The following PDE1C variants were observed in gnomAD, a reference collection of about 807,000 sequenced individuals.
The protein encoded by PDE1C is dual specificity calcium/calmodulin-dependent 3',5'-cyclic nucleotide phosphodiesterase 1C.
PDE1C carries 62 observed loss-of-function variants against 93.1 expected under a neutral mutation model. The observed-to-expected ratio is 0.67, with a 90% CI of 0.54 to 0.82. The LOEUF (loss-of-function observed/expected upper bound fraction) is 0.82. Among genes scored for constraint, PDE1C ranks in the 40% least tolerant of loss-of-function variants. PDE1C has a pLI of 0.00. For synonymous variants in PDE1C, 325 were observed against 310.1 expected, an observed-to-expected ratio of 1.05 and a Z score of -0.50; for missense variants, 742 against 884.6, an observed-to-expected ratio of 0.84 and a Z score of 2.04.
At chr7:31,759,847 G>T (rs1318844799) in intron 17 of PDE1C, among the ~76,000 whole-genome samples, 1 of 151,612 alleles carries the variant, frequency 6.6e-6, no homozygotes, top group African/African-American at 2.4e-5. Flanking sequence ...GCCACAACCA[G>T]CCTATCTTTT....
chr7:31,625,724 T>A, the PDE1C span, among the ~76,000 whole-genome samples: 1 of 152,192 alleles, frequency 6.6e-6, no homozygotes, highest in Admixed American at 6.5e-5. Flanking sequence ...TATACATATG[T>A]ACCTAACCTG....
intron 12 of PDE1C, among the ~76,000 whole-genome samples, chr7:31,825,614 G>A (rs1004983316): frequency 6.6e-6 from 1 of 152,050 alleles, no homozygotes; most frequent in African/African-American, 2.4e-5. Context: ...AAGTTAATCT[G>A]GCAAGATAGA....
chr7:32,313,530 T>G lies in PDE1C; in HGVS notation c.311-103991A>C, dbSNP rs562569170. ...AATGTCCAACAACGATAGACTGGAT[T>G]AAGAAAATATGGCACATATACACCA... On this transcript the variant is annotated intron_variant, in intron 1 of 1. Coordinates refer to the PDE1C transcript ENST00000672256. 2.6e-5 allele frequency among the ~76,000 whole-genome samples: 4 copies of G among 151,966 alleles called. No homozygotes were observed. In the East Asian group the frequency reaches 7.7e-4, roughly 29 times the overall value.
chr7:31,820,568 C>T (rs1788833332), intron 14 of PDE1C: 1 of 152,034 alleles, frequency 6.6e-6, no homozygotes, highest in Non-Finnish European at 1.5e-5. Context: ...AAAACCAAGA[C>T]CCATTTCCAG....
the PDE1C span, among the ~76,000 whole-genome samples, chr7:31,666,520 A>C: frequency 6.6e-6 from 1 of 152,204 alleles, no homozygotes. Flanking sequence ...ATTTGTATGA[A>C]TAGGTTTGAT....
intron 1 of PDE1C, among the ~76,000 whole-genome samples, chr7:32,234,949 T>C (rs555370462): frequency 6.6e-6 from 1 of 152,160 alleles, no homozygotes; most frequent in East Asian, 1.9e-4. Context: ...GATGGTTCAG[T>C]ATTAGAAAAT....
At chr7:32,028,847 T>C (rs1327257053) in intron 2 of PDE1C, among the ~76,000 whole-genome samples, 1 of 152,074 alleles carries the variant, frequency 6.6e-6, no homozygotes, top group East Asian at 1.9e-4. Context: ...CCCCATTCCT[T>C]CCCTTCCCCC....
At chr7:31,896,598 T>C (rs78377553) in intron 2 of PDE1C, among the ~76,000 whole-genome samples, 1,607 of 152,340 alleles carry the variant, frequency 0.011, 15 homozygotes, top group Non-Finnish European at 0.019. Flanking sequence ...AGACAGAAGA[T>C]CTCTTGAAGA....
intron 2 of PDE1C, among the ~76,000 whole-genome samples, chr7:32,199,326 T>C (rs999735939): frequency 6.6e-6 from 1 of 152,174 alleles, no homozygotes; most frequent in Non-Finnish European, 1.5e-5. Flanking sequence ...TTCATATCAC[T>C]AGTCAATTCT....
chr7:31,826,806 A>C (rs779442008), intron 12 of PDE1C, among the ~76,000 whole-genome samples: 3 of 152,166 alleles, frequency 2.0e-5, no homozygotes, highest in Non-Finnish European at 4.4e-5. Context: ...TGGCAAAGAA[A>C]TCTTCTAAAA....
chr7:32,016,813 C>G (rs79442570), intron 2 of PDE1C, among the ~76,000 whole-genome samples: 3,691 of 152,224 alleles, frequency 0.024, 172 homozygotes, highest in African/African-American at 0.084. Flanking sequence ...GTTTGGAAAG[C>G]TATACATGAA....
At chr7:31,840,177 T>C (rs1791675501) in intron 9 of PDE1C, among the ~76,000 whole-genome samples, 1 of 152,222 alleles carries the variant, frequency 6.6e-6, no homozygotes, top group African/African-American at 2.4e-5. Flanking sequence ...TTCTGATGGA[T>C]ATGTAGTGTT....
intron 1 of PDE1C, among the ~76,000 whole-genome samples, chr7:32,406,531 C>CAAAA (rs5883350): frequency 2.3e-5 from 3 of 133,256 alleles, no homozygotes; most frequent in African/African-American, 8.4e-5. Flanking sequence ...CTCCATAATG[C>CAAAA]AAAAAAAAAA....
chr7:32,017,911 T>C (rs945181207), intron 2 of PDE1C, among the ~76,000 whole-genome samples: 2 of 77,302 alleles, frequency 2.6e-5, no homozygotes, highest in Admixed American at 1.2e-4. Flanking sequence ...AAACCCTGTC[T>C]CTACAAAAAA....
At chr7:31,784,684 G>A (rs991698223) in intron 16 of PDE1C, 5 of 152,066 alleles carry the variant, frequency 3.3e-5, no homozygotes, top group African/African-American at 1.2e-4. Flanking sequence ...AGGGGAATCT[G>A]GTTGTACAGT....
the PDE1C span, among the ~76,000 whole-genome samples, chr7:31,683,235 A>G: frequency 1.3e-5 from 2 of 152,184 alleles, no homozygotes; most frequent in African/African-American, 4.8e-5. Flanking sequence ...ATCAGGGGAA[A>G]CTGTGCACAA....
chr7:32,013,818 GTTA>G (rs1396576389), intron 2 of PDE1C, among the ~76,000 whole-genome samples: 1 of 152,214 alleles, frequency 6.6e-6, no homozygotes, highest in African/African-American at 2.4e-5. Flanking sequence ...TCTAAGAGAA[GTTA>G]TTATTTATTC....
intron 3 of PDE1C, among the ~76,000 whole-genome samples, chr7:32,108,858 A>G (rs1424545633): frequency 6.6e-6 from 1 of 152,172 alleles, no homozygotes; most frequent in Non-Finnish European, 1.5e-5. Context: ...ATGGTATCTG[A>G]GTCACTCAGT....
chr7:31,652,033 A>G, the PDE1C span: 1 of 1,600,406 alleles, frequency 6.2e-7, no homozygotes, highest in South Asian at 1.1e-5. Context: ...TCAGCAAATC[A>G]GAGAAGGGAT....
Sources: gnomAD v4.1 joint callset for allele counts (sites outside exome capture counted in the v4.1 genomes callset) on GRCh38, gnomAD v4.1.1 for gene constraint, MANE v1.5 for transcripts, NCBI Gene and HGNC (gene_info 2026-07-23, HGNC 2026-07-21) for gene names.